The following KLF17 variants were observed in gnomAD, a reference collection of about 807,000 sequenced individuals.
KLF17 encodes KLF transcription factor 17.
A neutral mutation model predicts 34.2 loss-of-function variants in KLF17; 31 were observed. The observed-to-expected ratio is 0.91, with a 90% CI of 0.68 to 1.22. KLF17 has a LOEUF of 1.22. Ranked by LOEUF, KLF17 falls within the 50% of genes most tolerant of loss-of-function variation. The pLI, the probability that KLF17 is intolerant of heterozygous loss-of-function variation, is 0.00. For synonymous variants in KLF17, 179 were observed against 186.7 expected (o/e 0.96, Z 0.34); for missense variants, 478 against 505.2 (o/e 0.95, Z 0.52).
chr1:44,092,308 CTCTA>C, the KLF17 span, among the ~76,000 whole-genome samples: 48,859 of 151,688 alleles, frequency 0.32, 8,037 homozygotes, highest in South Asian at 0.38. Flanking sequence ...AGCCATTGCA[CTCTA>C]TCTAGCCTGG....
chr1:44,119,040 G>C (rs1311986798), intron 1 of KLF17, 52 bp downstream of exon 1: 1 of 1,432,328 alleles, frequency 7.0e-7, no homozygotes, highest in African/African-American at 1.4e-5. Flanking sequence ...GCTAGGGGGC[G>C]GCGGGGAGGG....
At chr1:44,129,196 A>G (rs1038245956) in intron 1 of KLF17, among the ~76,000 whole-genome samples, 157 bp from the exon 2 acceptor site, 39 of 152,066 alleles carry the variant, frequency 2.6e-4, no homozygotes, top group Non-Finnish European at 3.1e-4. Context: ...GCCAGACCGC[A>G]TGTTAGAAAG....
rs1183078317 is a variant in KLF17 at position 44,126,833 on chromosome 1, GAA to G, written c.82-2513_82-2512del. Reference sequence around the variant, plus strand: ...TAGGCTATTTTACTGGACAGAGCTAGAAAAAAAATATATATTTTTTACCTTGT... The same window carrying G: ...TAGGCTATTTTACTGGACAGAGCTAGAAAAAATATATATTTTTTACCTTGT... On this transcript the variant is annotated intron_variant, in intron 1 of 3. Coordinates refer to ENST00000372299, the MANE Select transcript of KLF17 (RefSeq NM_173484.4). Among the ~76,000 whole-genome samples the G allele has an allele frequency of 2.0e-5, 3 of 152,186 alleles. No homozygotes were observed. In the East Asian group the frequency reaches 5.8e-4, roughly 29 times the overall value.
chr1:44,094,501 A>G, the KLF17 span, among the ~76,000 whole-genome samples: 3 of 152,026 alleles, frequency 2.0e-5, no homozygotes, highest in Non-Finnish European at 2.9e-5. Context: ...TTTTTAATCC[A>G]TTTTGATTTG....
At chr1:44,102,610 AC>A in the KLF17 span, among the ~76,000 whole-genome samples, 31 of 122,268 alleles carry the variant, frequency 2.5e-4, no homozygotes, top group Non-Finnish European at 1.9e-4. Context: ...ACACACACAC[AC>A]ACAGAAAAGA....
At chr1:44,087,769 TACAC>T in the KLF17 span, among the ~76,000 whole-genome samples, 576 of 51,956 alleles carry the variant, frequency 0.011, 11 homozygotes, top group Non-Finnish European at 0.014. Flanking sequence ...TATATATATA[TACAC>T]ACACACACAC....
At chr1:44,075,936 A>T in the KLF17 span, among the ~76,000 whole-genome samples, 1 of 152,208 alleles carries the variant, frequency 6.6e-6, no homozygotes, top group African/African-American at 2.4e-5. Context: ...GTTGTAGGGT[A>T]TTACATTTTC....
intron 1 of KLF17, 131 bp downstream of exon 1, chr1:44,119,119 T>A (rs571155496): frequency 4.1e-6 from 1 of 246,438 alleles, no homozygotes; most frequent in Non-Finnish European, 6.0e-6. Context: ...AGGGGAGGGG[T>A]GGCAAAGGAA....
the KLF17 span, among the ~76,000 whole-genome samples, chr1:44,096,659 C>G: frequency 2.6e-5 from 4 of 152,020 alleles, no homozygotes; most frequent in Non-Finnish European, 5.9e-5. Context: ...CTTGGCCTCC[C>G]AAAGTGCTGG....
At chr1:44,046,519 C>T in the KLF17 span, among the ~76,000 whole-genome samples, 1 of 140,098 alleles carries the variant, frequency 7.1e-6, no homozygotes, top group Non-Finnish European at 1.5e-5. Flanking sequence ...CCACGCCCAA[C>T]CTAAGCACTA....
the KLF17 span, among the ~76,000 whole-genome samples, chr1:44,066,389 C>CTTT: frequency 0.093 from 11,882 of 127,758 alleles, 595 homozygotes; most frequent in Non-Finnish European, 0.11. Flanking sequence ...TAATACTTTC[C>CTTT]TTTTTTTTTT....
chr1:44,091,714 G>A, the KLF17 span, among the ~76,000 whole-genome samples: 1 of 148,570 alleles, frequency 6.7e-6, no homozygotes, highest in Non-Finnish European at 1.5e-5. Context: ...AGGTCAGAAA[G>A]ACAAAAGCAT....
Position 44,130,171 on chromosome 1 carries a change from C to G in KLF17, c.900C>G (p.Leu300=), listed in dbSNP as rs1359180529. 6.2e-7 allele frequency: 1 copy of G among 1,612,910 alleles called. No homozygotes were observed. The highest frequency in any genetic ancestry group is 1.1e-5 in the South Asian group (1 of 90,998). The change falls in exon 2 of 4, where the codon CTC becomes CTG. Residue 300 remains leucine (L), a synonymous_variant. Coordinates refer to ENST00000372299, the MANE Select transcript of KLF17 (RefSeq NM_173484.4). ...CGKAYTKRSH[L]VSHQRKHTGE... ...AAGCTTATACCAAACGCTCCCACCT[C>G]GTGAGCCACCAGCGCAAGCACACAG...
chr1:44,108,470 G>T, the KLF17 span, among the ~76,000 whole-genome samples: 2 of 152,028 alleles, frequency 1.3e-5, no homozygotes, highest in African/African-American at 4.8e-5. Flanking sequence ...GAATGCAGGG[G>T]ATTGGGGTGA....
chr1:44,131,007 G>A (rs2088103224), intron 3 of KLF17, among the ~76,000 whole-genome samples: 1 of 152,154 alleles, frequency 6.6e-6, no homozygotes, highest in Admixed American at 6.5e-5. Context: ...GTGTTAGCCA[G>A]GATGGTCTCG....
At chr1:44,072,001 CG>C in the KLF17 span, among the ~76,000 whole-genome samples, 2 of 150,982 alleles carry the variant, frequency 1.3e-5, no homozygotes, top group South Asian at 2.1e-4. Context: ...TGGGGGGGGA[CG>C]GGGGGACAAT....
the KLF17 span, among the ~76,000 whole-genome samples, chr1:44,094,231 T>C: frequency 6.6e-6 from 1 of 152,184 alleles, no homozygotes; most frequent in Admixed American, 6.5e-5. Flanking sequence ...ACTCCTTATG[T>C]ATTCGATTAT....
the KLF17 span, among the ~76,000 whole-genome samples, chr1:44,074,669 G>A: frequency 6.6e-6 from 1 of 152,182 alleles, no homozygotes; most frequent in South Asian, 2.1e-4. Context: ...TCCTGCAACA[G>A]ACATAATAAA....
At chr1:44,088,011 TCAGA>T in the KLF17 span, 1 of 217,580 alleles carries the variant, frequency 4.6e-6, no homozygotes, top group East Asian at 1.1e-4. Context: ...TCCCATGGAC[TCAGA>T]CAGGACAAAG....
Sources: gnomAD v4.1 joint callset for allele counts (sites outside exome capture counted in the v4.1 genomes callset) on GRCh38, gnomAD v4.1.1 for gene constraint, MANE v1.5 for transcripts, NCBI Gene and HGNC (gene_info 2026-07-23, HGNC 2026-07-21) for gene names.